The following PI4KA variants were observed in gnomAD, a reference collection of about 807,000 sequenced individuals.
PI4KA encodes PI4-kinase alpha.
In PI4KA, 122 loss-of-function variants were observed where a neutral mutation model predicts 271.4. The ratio of observed to expected loss-of-function variants is 0.45; its 90% CI spans 0.39 to 0.52. The LOEUF (loss-of-function observed/expected upper bound fraction) is 0.52. Among genes scored for constraint, PI4KA ranks in the 20% least tolerant of loss-of-function variants. PI4KA has a pLI of 0.00. For missense variants in PI4KA, 1,969 were observed against 2,769.1 expected (o/e 0.71, Z 6.48); for synonymous variants, 1,041 against 1,078.8 (o/e 0.96, Z 0.69).
chr22:20,743,241 G>A (rs1929673768), intron 30 of PI4KA, among the ~76,000 whole-genome samples: 1 of 152,078 alleles, frequency 6.6e-6, no homozygotes, highest in Non-Finnish European at 1.5e-5. Flanking sequence ...CGCCTCCTGG[G>A]TTCAAGTGAT....
Position 20,752,439 on chromosome 22 carries a change from C to T in PI4KA, c.2987+464G>A, listed in dbSNP as rs549264000. On this transcript the variant is annotated intron_variant, in intron 25 of 54. Transcript: ENST00000255882. ...CTCACCTTGGAGAAGCTGGTCCAGC[C>T]CACCTGTGAGAGTTCTCATCAGTGT... is the stretch of plus-strand genomic sequence containing the variant. 2.2e-3 allele frequency among the ~76,000 whole-genome samples: 337 copies of T among 152,290 alleles called. 1 individual carries two copies. The highest frequency in any genetic ancestry group is 3.4e-3 in the Non-Finnish European group (228 of 68,022).
intron 1 of PI4KA, among the ~76,000 whole-genome samples, chr22:20,850,368 C>G (rs943511315): frequency 6.6e-6 from 1 of 151,616 alleles, no homozygotes; most frequent in South Asian, 2.1e-4. Context: ...TACTAAAATA[C>G]AAAAAATTAG....
chr22:20,807,507 G>A (rs1220185264), intron 9 of PI4KA, 49 bp from the exon 10 acceptor site: 2 of 1,114,346 alleles, frequency 1.8e-6, no homozygotes, highest in Non-Finnish European at 2.7e-6. Context: ...ATGCCCTTCT[G>A]CCCACCCTTT....
chr22:20,721,055 A>T (rs527794378), intron 43 of PI4KA, among the ~76,000 whole-genome samples: 2 of 152,336 alleles, frequency 1.3e-5, no homozygotes, highest in South Asian at 4.1e-4. Context: ...CTGGAGCAGA[A>T]GGGTCTCACT....
intron 18 of PI4KA, among the ~76,000 whole-genome samples, chr22:20,794,968 T>C (rs765366864): frequency 1.3e-5 from 2 of 152,094 alleles, no homozygotes; most frequent in Non-Finnish European, 2.9e-5. Context: ...CTCTGGCCCT[T>C]TACAGAAAAA....
chr22:20,746,226 C>G (rs913966013), intron 29 of PI4KA, among the ~76,000 whole-genome samples: 7 of 151,920 alleles, frequency 4.6e-5, no homozygotes, highest in African/African-American at 1.4e-4. Flanking sequence ...CCATGCCCGG[C>G]TAATTTTTTG....
intron 1 of PI4KA, among the ~76,000 whole-genome samples, chr22:20,858,234 G>A (rs1320084888): frequency 6.6e-6 from 1 of 152,154 alleles, no homozygotes; most frequent in African/African-American, 2.4e-5. Context: ...TCATCCCACT[G>A]CTCCGCACAG....
intron 18 of PI4KA, 163 bp from the exon 19 acceptor site, chr22:20,793,406 A>C (rs921441306): frequency 1.4e-5 from 7 of 513,908 alleles, no homozygotes; most frequent in Non-Finnish European, 2.4e-5. Flanking sequence ...CATCCAGCAT[A>C]ATTTTAATAG....
intron 25 of PI4KA, 87 bp from the exon 26 acceptor site, chr22:20,751,842 C>A (rs1432017072): frequency 1.6e-5 from 18 of 1,152,786 alleles, no homozygotes; most frequent in Middle Eastern, 1.9e-4. Flanking sequence ...CCAGCCCGAG[C>A]CCATATCTGC....
chr22:20,837,089 T>C (rs1924962228), intron 2 of PI4KA, among the ~76,000 whole-genome samples: 1 of 152,224 alleles, frequency 6.6e-6, no homozygotes, highest in Non-Finnish European at 1.5e-5. Context: ...TCTTTTCACA[T>C]TTATAAATAA....
chr22:20,722,651 A>G, intron 42 of PI4KA, among the ~76,000 whole-genome samples: 1 of 152,124 alleles, frequency 6.6e-6, no homozygotes, highest in Admixed American at 6.6e-5. Flanking sequence ...CTAGAGCCAT[A>G]AGTTTTGAAA....
chr22:20,709,446 G>A (rs1924964056), intron 53 of PI4KA, 67 bp from the exon 54 acceptor site: 2 of 763,218 alleles, frequency 2.6e-6, no homozygotes, highest in African/African-American at 1.8e-5. Flanking sequence ...CCAGTGGGAG[G>A]AGGGTCTTCC....
Position 20,799,666 on chromosome 22 carries a change from C to T in PI4KA, c.1820+5G>A, listed in dbSNP as rs1397210015. ...TGCCTCTGAGAGACAGGAATAGGGG[C>T]GTACTTGTCGCTCTCCTGAGAGATG... On this transcript the variant is annotated splice_donor_5th_base_variant and intron_variant, in intron 15 of 54. Coordinates refer to ENST00000255882, the MANE Select transcript of PI4KA (RefSeq NM_058004.4). The T allele has an allele frequency of 6.5e-7, 1 of 1,546,396 alleles. No homozygotes were observed. The highest frequency in any genetic ancestry group is 1.2e-5 in the South Asian group (1 of 83,902).
Position 20,708,188 on chromosome 22 carries a change from C to T in PI4KA, c.6258-90G>A, listed in dbSNP as rs951911753. 3.8e-5 allele frequency: 37 copies of T among 962,388 alleles called. 1 individual carries two copies. In the African/African-American group the frequency reaches 5.9e-4, roughly 15 times the overall value. The allele number at this position is 962,388 out of a possible 1,614,324, so 59.6% of individuals were successfully genotyped here. On this transcript the variant is annotated intron_variant, in intron 54 of 54. Transcript: ENST00000255882. ...CAGGGAGCCCTACCTGTCCAATCAG[C>T]CCCTTATGGCTGCCCAGCACCTGAA...
intron 3 of PI4KA, among the ~76,000 whole-genome samples, chr22:20,826,843 T>C (rs1263290757): frequency 1.3e-5 from 2 of 152,234 alleles, no homozygotes; most frequent in Admixed American, 6.5e-5. Context: ...TTTTGGCCAC[T>C]TGTATGTCTT....
At chr22:20,784,368 A>G in intron 19 of PI4KA, 1 of 1,302,268 alleles carries the variant, frequency 7.7e-7, no homozygotes, top group South Asian at 1.3e-5. Flanking sequence ...GAACTTCCAT[A>G]CAGGGCCACT....
intron 8 of PI4KA, among the ~76,000 whole-genome samples, chr22:20,812,896 C>T (rs5760765): frequency 0.069 from 10,575 of 152,208 alleles, 358 homozygotes; most frequent in East Asian, 0.079. Context: ...TTTAAGGAAT[C>T]GAACAATGGC....
intron 19 of PI4KA, among the ~76,000 whole-genome samples, chr22:20,788,054 C>T (rs1934383997): frequency 6.6e-6 from 1 of 152,202 alleles, no homozygotes; most frequent in Non-Finnish European, 1.5e-5. Flanking sequence ...TTTCTGGATC[C>T]TTCAATCCCT....
At chr22:20,777,652 G>T (rs1010952492) in intron 19 of PI4KA, among the ~76,000 whole-genome samples, 4 of 152,178 alleles carry the variant, frequency 2.6e-5, no homozygotes, top group African/African-American at 9.7e-5. Context: ...GCGCCTGGCC[G>T]GCAGTTCTTT....
Sources: gnomAD v4.1 joint callset for allele counts (sites outside exome capture counted in the v4.1 genomes callset) on GRCh38, gnomAD v4.1.1 for gene constraint, MANE v1.5 for transcripts, NCBI Gene and HGNC (gene_info 2026-07-23, HGNC 2026-07-21) for gene names.